MAML2: variants seen among roughly 807,000 people sequenced by gnomAD.
MAML2 encodes mastermind like transcriptional coactivator 2, also known as mastermind-like protein 2.
A neutral mutation model predicts 96.1 loss-of-function variants in MAML2; 22 were observed. That is an observed-to-expected ratio of 0.23 (90% CI 0.16 to 0.33). The LOEUF (loss-of-function observed/expected upper bound fraction) is 0.33, where lower values mean the gene tolerates loss of function less well. Ranked by LOEUF, MAML2 falls within the 10% of genes least tolerant of loss-of-function variation. MAML2 has a pLI of 1.00. For missense variants in MAML2, 1,367 were observed against 1,392.4 expected (o/e 0.98, Z 0.29); for synonymous variants, 561 against 521.3 (o/e 1.08, Z -1.04).
chr11:96,308,804 C>A (rs1265286929), intron 1 of MAML2, among the ~76,000 whole-genome samples: 5 of 152,110 alleles, frequency 3.3e-5, no homozygotes, highest in African/African-American at 1.2e-4. Context: ...AATGTAAAGA[C>A]CTTGAAGCTG....
At chr11:96,108,417 T>C (rs1565217002) in intron 1 of MAML2, among the ~76,000 whole-genome samples, 1 of 152,212 alleles carries the variant, frequency 6.6e-6, no homozygotes, top group African/African-American at 2.4e-5. Context: ...ACGGCATTTA[T>C]TGGGTGACTA....
intron 1 of MAML2, among the ~76,000 whole-genome samples, chr11:96,139,962 A>T (rs560609827): frequency 1.3e-5 from 2 of 152,354 alleles, no homozygotes; most frequent in South Asian, 4.1e-4. Flanking sequence ...AATCTATTGA[A>T]TTAAGGAAGC....
At chr11:96,138,932 T>C (rs995634546) in intron 1 of MAML2, among the ~76,000 whole-genome samples, 3 of 152,174 alleles carry the variant, frequency 2.0e-5, no homozygotes, top group Non-Finnish European at 4.4e-5. Context: ...AGAAAGAGAT[T>C]TCACAACCCA....
intron 1 of MAML2, among the ~76,000 whole-genome samples, chr11:96,176,374 G>A (rs970727230): frequency 5.3e-5 from 8 of 152,164 alleles, no homozygotes; most frequent in Admixed American, 3.3e-4. Flanking sequence ...TATATTATGC[G>A]ATTTATATAC....
intron 4 of MAML2, among the ~76,000 whole-genome samples, chr11:95,980,738 G>T (rs1857724286): frequency 6.6e-6 from 1 of 152,174 alleles, no homozygotes; most frequent in African/African-American, 2.4e-5. Flanking sequence ...CTCTCCAGCA[G>T]TATTTGCCCT....
Position 96,312,219 on chromosome 11 carries a change from CAAAAAA to C in MAML2, c.513+29158_513+29163del, listed in dbSNP as rs34658278. ...TGGGCGACAGAGCAAGACTCTATCT[CAAAAAA>C]AAAAAAAAAAAAAAAAAAAGAATGA... On this transcript the variant is annotated intron_variant, in intron 1 of 4. Transcript: ENST00000524717. Among the ~76,000 whole-genome samples the C allele has an allele frequency of 8.7e-3, 450 of 51,552 alleles. 1 individual carries two copies. The highest frequency in any genetic ancestry group is 0.012 in the Non-Finnish European group (361 of 31,160). The allele number at this position is 51,552 out of a possible 152,430, so 33.8% of individuals were successfully genotyped here. A position where few individuals can be genotyped will look rare whatever the true frequency, so the allele number is the denominator to read the frequency against.
intron 1 of MAML2, among the ~76,000 whole-genome samples, chr11:96,145,317 G>A (rs1181490681): frequency 1.3e-5 from 2 of 152,164 alleles, no homozygotes; most frequent in African/African-American, 4.8e-5. Context: ...CCAACTCGTG[G>A]ACAGTAGTCT....
chr11:96,160,770 T>G (rs1861090682), intron 1 of MAML2, among the ~76,000 whole-genome samples: 1 of 152,200 alleles, frequency 6.6e-6, no homozygotes, highest in Non-Finnish European at 1.5e-5. Context: ...CTCCCCAATT[T>G]AAAGATTCGT....
intron 1 of MAML2, among the ~76,000 whole-genome samples, chr11:96,169,811 T>G (rs920970241): frequency 3.9e-5 from 6 of 152,168 alleles, no homozygotes; most frequent in Non-Finnish European, 5.9e-5. Context: ...CGTGCCACCA[T>G]GCCCAGATAA....
intron 2 of MAML2, among the ~76,000 whole-genome samples, chr11:96,085,723 C>T (rs1859598769): frequency 6.6e-6 from 1 of 152,312 alleles, no homozygotes; most frequent in South Asian, 2.1e-4. Flanking sequence ...ATGTGACACA[C>T]AGACAAAGAC....
At chr11:96,280,513 T>A (rs3802769) in intron 1 of MAML2, among the ~76,000 whole-genome samples, 4,833 of 152,326 alleles carry the variant, frequency 0.032, 92 homozygotes, top group South Asian at 0.063. Flanking sequence ...ATTTTTGTAT[T>A]TTTTCCTGAG....
Position 95,979,259 on chromosome 11 carries a change from G to A in MAML2, c.3160C>T (p.Leu1054=). 6.2e-7 allele frequency: 1 copy of A among 1,613,970 alleles called. No individual in the cohort carries two copies. The highest frequency in any genetic ancestry group is 1.1e-5 in the South Asian group (1 of 91,086). ...AAATTAGGCAAAATCTGTGTGCTTAGCTGATTGGGTCTGAGATTCAGACCC... is the reference window on the plus strand; with the variant it reads ...AAATTAGGCAAAATCTGTGTGCTTAACTGATTGGGTCTGAGATTCAGACCC... ...LRGLNLRPNQ[L]STQILPNLNQ... is the part of the protein sequence containing the mutation. The change falls in exon 5 of 5, where the codon CTA becomes TTA. Residue 1054 remains leucine, a synonymous_variant. Coordinates refer to ENST00000524717, the MANE Select transcript of MAML2 (RefSeq NM_032427.4).
chr11:96,303,902 G>C (rs529075), intron 1 of MAML2, among the ~76,000 whole-genome samples: 73,540 of 151,990 alleles, frequency 0.48, 18,692 homozygotes, highest in Non-Finnish European at 0.57. Context: ...AAAACAAAAA[G>C]AAAAAATATA....
intron 1 of MAML2, among the ~76,000 whole-genome samples, chr11:96,156,288 T>G (rs1248376099): frequency 1.3e-5 from 2 of 152,184 alleles, no homozygotes; most frequent in Admixed American, 6.5e-5. Flanking sequence ...CTCCTCCTCC[T>G]CCGCCCCTCA....
chr11:96,201,327 G>T (rs1047383473), intron 1 of MAML2, among the ~76,000 whole-genome samples: 1 of 152,162 alleles, frequency 6.6e-6, no homozygotes, highest in Non-Finnish European at 1.5e-5. Context: ...ATGTTTAATT[G>T]CCTAAAAGGA....
chr11:96,316,265 T>A (rs1863632446), intron 1 of MAML2, among the ~76,000 whole-genome samples: 1 of 152,124 alleles, frequency 6.6e-6, no homozygotes, highest in African/African-American at 2.4e-5. Context: ...CTCTGGTGGG[T>A]ACTGCAGATA....
intron 1 of MAML2, among the ~76,000 whole-genome samples, chr11:96,306,016 T>C (rs1441297688): frequency 1.3e-5 from 2 of 152,208 alleles, no homozygotes; most frequent in Non-Finnish European, 1.5e-5. Context: ...CCTTTCTTCT[T>C]GTTATGCTGC....
intron 1 of MAML2, among the ~76,000 whole-genome samples, chr11:96,258,950 C>T (rs931260472): frequency 6.6e-6 from 1 of 152,216 alleles, no homozygotes; most frequent in Non-Finnish European, 1.5e-5. Context: ...TGGGTGGGAG[C>T]AACTTATTGT....
intron 2 of MAML2, among the ~76,000 whole-genome samples, chr11:96,037,567 C>A (rs1858737982): frequency 1.3e-5 from 2 of 152,156 alleles, no homozygotes; most frequent in Non-Finnish European, 2.9e-5. Context: ...AGCAAAGAAG[C>A]TTAGATTGAT....
Sources: gnomAD v4.1 joint callset for allele counts (sites outside exome capture counted in the v4.1 genomes callset) on GRCh38, gnomAD v4.1.1 for gene constraint, MANE v1.5 for transcripts, NCBI Gene and HGNC (gene_info 2026-07-23, HGNC 2026-07-21) for gene names.